SAE1: variants seen among roughly 807,000 people sequenced by gnomAD.
SAE1 encodes the protein SUMO1 activating enzyme subunit 1, also known as SUMO-activating enzyme subunit 1.
SAE1 carries 11 observed loss-of-function variants against 40.6 expected under a neutral mutation model. The observed-to-expected ratio is 0.27, with a 90% CI of 0.17 to 0.45. The LOEUF (loss-of-function observed/expected upper bound fraction) is 0.45, where lower values mean the gene tolerates loss of function less well. Ranked by LOEUF, SAE1 falls within the 20% of genes least tolerant of loss-of-function variation. SAE1 has a pLI of 1.00. For missense variants in SAE1, 373 were observed against 427.3 expected (o/e 0.87, Z 1.12); for synonymous variants, 155 against 154.3 (o/e 1.00, Z -0.03).
chr19:47,189,565 C>T (rs983001759), intron 6 of SAE1, among the ~76,000 whole-genome samples: 8 of 151,526 alleles, frequency 5.3e-5, no homozygotes, highest in African/African-American at 1.9e-4. Context: ...TGTCTTAAAA[C>T]GAACAAACAA....
chr19:47,162,488 C>A (rs572172104), intron 5 of SAE1, among the ~76,000 whole-genome samples: 1 of 151,890 alleles, frequency 6.6e-6, no homozygotes, highest in Non-Finnish European at 1.5e-5. Context: ...TAACTTCAGG[C>A]GTTTTTTTTC....
At position 47,150,324 on chromosome 19, in the gene SAE1, C is replaced by T; in HGVS notation, c.333C>T (p.Asp111=). 6.2e-7 allele frequency: 1 copy of T among 1,613,174 alleles called. No individual in the cohort carries two copies. Among genetic ancestry groups the T allele is most frequent in the Non-Finnish European group, 8.5e-7 (1 of 1,179,646 alleles). ...ACCCCATGGTGGATGTGAAGGTGGA[C>T]ACTGAGGATATAGAGAAGAAACCAG... ...NLNPMVDVKV[D]TEDIEKKPES... is the part of the protein sequence containing the mutation. Residue 111 remains aspartate (D), a synonymous_variant, in exon 3 of 9, where the codon GAC becomes GAT. Transcript: ENST00000270225.
Position 47,131,023 on chromosome 19 carries a change from GA to G in SAE1, c.96del (p.Lys32AsnfsTer13). On this transcript the variant is annotated frameshift_variant, in exon 1 of 9. Coordinates refer to ENST00000270225, the MANE Select transcript of SAE1 (RefSeq NM_005500.3). LOFTEE classifies it high-confidence loss of function. ...QIRLWGLEAQ[K>X]RLRASRVLLV... Reference sequence around the variant, plus strand: ...TCCGCCTGTGGGGACTGGAGGCCCAGAAACGGTCAGGGCCGGCGCGGCTTGA... The same window carrying G: ...TCCGCCTGTGGGGACTGGAGGCCCAGAACGGTCAGGGCCGGCGCGGCTTGA... The G allele has an allele frequency of 1.3e-6, 2 of 1,541,682 alleles. No homozygotes were observed.
At chr19:47,186,374 T>A (rs2058544791) in intron 6 of SAE1, among the ~76,000 whole-genome samples, 1 of 152,212 alleles carries the variant, frequency 6.6e-6, no homozygotes, top group Non-Finnish European at 1.5e-5. Flanking sequence ...ATTCAAACAC[T>A]TCTGCTCCCT....
intron 5 of SAE1, among the ~76,000 whole-genome samples, chr19:47,162,681 G>A (rs960553002): frequency 1.3e-5 from 2 of 152,058 alleles, no homozygotes; most frequent in Non-Finnish European, 2.9e-5. Context: ...ACTTGTTACT[G>A]TTAGGCCTGA....
chr19:47,131,697 CTTTTTTTTTT>C (rs554165710), intron 1 of SAE1, among the ~76,000 whole-genome samples: 9 of 84,138 alleles, frequency 1.1e-4, no homozygotes, highest in South Asian at 9.5e-4. Flanking sequence ...TTAGGGAATT[CTTTTTTTTTT>C]TTTTTTTTTT....
intron 6 of SAE1, among the ~76,000 whole-genome samples, chr19:47,182,493 GTGTGCGCGCACGCA>G (rs969688687): frequency 1.5e-4 from 22 of 143,962 alleles, no homozygotes; most frequent in African/African-American, 5.8e-4. Context: ...GTGTGTGTGT[GTGTGCGCGCACGCA>G]CGCGCGCGCG....
At chr19:47,174,349 A>C (rs2058454991) in intron 6 of SAE1, among the ~76,000 whole-genome samples, 1 of 147,796 alleles carries the variant, frequency 6.8e-6, no homozygotes, top group South Asian at 2.1e-4. Flanking sequence ...AAAATTTACC[A>C]TTATAACTTA....
chr19:47,196,338 T>G (rs1450303939), intron 6 of SAE1, among the ~76,000 whole-genome samples: 3 of 22,686 alleles, frequency 1.3e-4, no homozygotes, highest in African/African-American at 6.8e-4. Flanking sequence ...CCTGGCTTTT[T>G]TTTTTTTTTT....
At chr19:47,208,673 C>T (rs1184518235) in intron 8 of SAE1, among the ~76,000 whole-genome samples, 1 of 152,224 alleles carries the variant, frequency 6.6e-6, no homozygotes, top group Non-Finnish European at 1.5e-5. Context: ...GATCCGCCCA[C>T]TTCAGCCTCC....
Position 47,210,431 on chromosome 19 carries a change from C to T in SAE1, c.*1180C>T, listed in dbSNP as rs770452917. 3 of 152,102 alleles carry T rather than the reference C, an allele frequency of 2.0e-5. No homozygotes were observed. The highest frequency in any genetic ancestry group is 4.4e-5 in the Non-Finnish European group (3 of 68,024). 9.4% of individuals were successfully genotyped at this position (152,102 alleles called of 1,614,324 possible). Reference sequence around the variant, plus strand: ...GCTAAATAGTGGCTATTTTCAGTGGCAAGAATTATAATAATAAAGGGAAGT... The same window carrying T: ...GCTAAATAGTGGCTATTTTCAGTGGTAAGAATTATAATAATAAAGGGAAGT... On this transcript the variant is annotated 3_prime_UTR_variant, in exon 9 of 9. Transcript: ENST00000270225.
Position 47,152,882 on chromosome 19 carries a change from T to G in SAE1, c.385-16T>G, listed in dbSNP as rs1464830999. 6.2e-7 allele frequency: 1 copy of G among 1,609,438 alleles called. No individual in the cohort carries two copies. The highest frequency in any genetic ancestry group is 1.3e-5 in the African/African-American group (1 of 74,708). ...TTTGCAAAACTCAAACCCAGCCAAT[T>G]TCTTTCTTTCTGCAGGTGTGTCTGA... On this transcript the variant is annotated splice_polypyrimidine_tract_variant and intron_variant, in intron 3 of 8. Transcript: ENST00000270225.
At chr19:47,155,722 G>C (rs1278913097) in intron 5 of SAE1, among the ~76,000 whole-genome samples, 2 of 149,070 alleles carry the variant, frequency 1.3e-5, no homozygotes, top group Non-Finnish European at 3.0e-5. Context: ...GATTACAGGC[G>C]TGAGCCACCA....
At chr19:47,196,449 C>T (rs185371152) in intron 6 of SAE1, among the ~76,000 whole-genome samples, 102 of 147,322 alleles carry the variant, frequency 6.9e-4, no homozygotes, top group African/African-American at 2.4e-3. Flanking sequence ...CTGCAACTTC[C>T]GCCTGCTGGA....
chr19:47,188,145 T>C (rs1270295264), intron 6 of SAE1, among the ~76,000 whole-genome samples: 1 of 151,722 alleles, frequency 6.6e-6, no homozygotes, highest in African/African-American at 2.4e-5. Flanking sequence ...GCTCAGGAGT[T>C]TGAGACCAGC....
chr19:47,148,167 G>A (rs924813943), intron 2 of SAE1, among the ~76,000 whole-genome samples: 1 of 152,048 alleles, frequency 6.6e-6, no homozygotes, highest in South Asian at 2.1e-4. Context: ...ATTGAATCCA[G>A]CCTGAATTAT....
intron 6 of SAE1, among the ~76,000 whole-genome samples, chr19:47,196,965 G>A (rs1185908285): frequency 2.6e-5 from 4 of 151,934 alleles, no homozygotes; most frequent in South Asian, 2.1e-4. Context: ...GGCGGATCAC[G>A]AGGTCAGGAG....
chr19:47,140,690 T>C (rs2058216192), intron 1 of SAE1, among the ~76,000 whole-genome samples: 1 of 150,926 alleles, frequency 6.6e-6, no homozygotes, highest in South Asian at 2.1e-4. Context: ...CAGGACTCAA[T>C]AGGCCGAGGT....
intron 1 of SAE1, among the ~76,000 whole-genome samples, chr19:47,136,944 G>T (rs1249486153): frequency 1.3e-5 from 2 of 152,180 alleles, no homozygotes; most frequent in Non-Finnish European, 2.9e-5. Context: ...GGAGAACTCT[G>T]GAGACTGGAG....
Sources: allele counts gnomAD v4.1 joint callset (sites outside exome capture counted in the v4.1 genomes callset), GRCh38; gene constraint gnomAD v4.1.1; transcripts MANE v1.5; gene names NCBI Gene and HGNC (gene_info 2026-07-23, HGNC 2026-07-21).